The following SLCO5A1 variants were observed in gnomAD, a reference collection of about 807,000 sequenced individuals.
The protein encoded by SLCO5A1 is organic anion transporter polypeptide-related protein 4.
In SLCO5A1, 39 loss-of-function variants were observed where a neutral mutation model predicts 65.1. The ratio of observed to expected loss-of-function variants is 0.60; its 90% CI spans 0.46 to 0.78. The LOEUF is 0.78. SLCO5A1 is among the 30% of genes least tolerant of loss of function. The pLI is 0.00. For missense variants in SLCO5A1, 1,029 were observed against 1,069.4 expected, an observed-to-expected ratio of 0.96 and a Z score of 0.53; for synonymous variants, 438 against 415.7, an observed-to-expected ratio of 1.05 and a Z score of -0.65.
At chr8:69,772,989 T>A in intron 2 of SLCO5A1, 1 of 984,584 alleles carries the variant, frequency 1.0e-6, no homozygotes. Context: ...GGGAAAGGAA[T>A]GATACGTTAT....
At chr8:69,710,552 G>C (rs1487619127) in intron 5 of SLCO5A1, among the ~76,000 whole-genome samples, 3 of 152,002 alleles carry the variant, frequency 2.0e-5, no homozygotes, top group Non-Finnish European at 4.4e-5. Flanking sequence ...CCAAGAAAAC[G>C]TATACATGCT....
Position 69,679,422 on chromosome 8 carries a change from G to T in SLCO5A1, c.1980C>A (p.Phe660Leu). Residue 660 changes from phenylalanine to leucine, a missense_variant, in exon 8 of 10, where the codon TTC (phenylalanine) becomes TTA (leucine). Phe to Leu is a conservative substitution (Grantham distance 22, BLOSUM62 0). This residue lies in a region of SLCO5A1 where 258 missense variants were observed against 237.4 expected (regional missense o/e 1.09). Transcript: ENST00000260126. ...CTGATGGTTGGGCACATGCTGTGAT[G>T]AAGGTGACTATGAAAAGAAAAACTA... ...PFLVFLFIVT[F>L]ITACAQPSAI... is the part of the protein sequence containing the mutation. 6.2e-7 allele frequency: 1 copy of T among 1,614,222 alleles called. No homozygotes were observed. Among genetic ancestry groups the T allele is most frequent in the Non-Finnish European group, 8.5e-7 (1 of 1,180,030 alleles).
intron 5 of SLCO5A1, chr8:69,714,994 C>T (rs1815445259): frequency 1.3e-5 from 2 of 152,248 alleles, no homozygotes; most frequent in African/African-American, 4.8e-5. Flanking sequence ...AAAGCTCTGG[C>T]TGAAATAATG....
At chr8:69,771,538 T>G (rs761796033) in intron 2 of SLCO5A1, among the ~76,000 whole-genome samples, 4 of 152,258 alleles carry the variant, frequency 2.6e-5, no homozygotes, top group Non-Finnish European at 4.4e-5. Context: ...ATGCTTTTTC[T>G]TTCCTTTTTT....
chr8:69,667,509 C>T lies in SLCO5A1; in HGVS notation c.*5360G>A, dbSNP rs370493428. On this transcript the variant is annotated 3_prime_UTR_variant, in exon 10 of 10. Transcript: ENST00000260126. ...TTATCAATTACCAATTGCCAATAAT[C>T]GGTACTAGTCTTACCAATGATTCTT... is the stretch of plus-strand genomic sequence containing the variant. 4.6e-5 allele frequency: 7 copies of T among 152,274 alleles called. No individual in the cohort carries two copies. The highest frequency in any genetic ancestry group is 7.2e-5 in the African/African-American group (3 of 41,552). 9.4% of individuals were successfully genotyped at this position (152,274 alleles called of 1,614,324 possible). A position where few individuals can be genotyped will look rare whatever the true frequency, so the allele number is the denominator to read the frequency against.
intron 4 of SLCO5A1, among the ~76,000 whole-genome samples, 185 bp from the exon 5 acceptor site, chr8:69,738,389 T>G (rs1047099640): frequency 1.3e-5 from 2 of 152,132 alleles, no homozygotes; most frequent in Middle Eastern, 3.4e-3. Context: ...CTTTTGTTTT[T>G]TTTTTTTAAC....
At chr8:69,682,988 G>T (rs1482362217) in intron 6 of SLCO5A1, among the ~76,000 whole-genome samples, 4 of 152,212 alleles carry the variant, frequency 2.6e-5, no homozygotes, top group Admixed American at 1.3e-4. Context: ...GATTGCCCCG[G>T]TGTGGATCCA....
At chr8:69,777,871 A>C (rs370985839) in intron 2 of SLCO5A1, among the ~76,000 whole-genome samples, 25 of 152,170 alleles carry the variant, frequency 1.6e-4, no homozygotes, top group African/African-American at 5.8e-4. Flanking sequence ...TCAACTCCAC[A>C]ACTGTCAACT....
chr8:69,746,140 T>G (rs1817019047), intron 4 of SLCO5A1, among the ~76,000 whole-genome samples: 1 of 152,156 alleles, frequency 6.6e-6, no homozygotes, highest in South Asian at 2.1e-4. Flanking sequence ...CTGCCTCCCT[T>G]TGAGGGCAAG....
intron 2 of SLCO5A1, among the ~76,000 whole-genome samples, chr8:69,793,044 T>A (rs907183215): frequency 6.6e-6 from 1 of 152,082 alleles, no homozygotes; most frequent in Non-Finnish European, 1.5e-5. Flanking sequence ...TGCAGTGGCA[T>A]GATCTCAGCT....
At chr8:69,831,521 A>G (rs1821150866) in intron 2 of SLCO5A1, among the ~76,000 whole-genome samples, 1 of 152,220 alleles carries the variant, frequency 6.6e-6, no homozygotes, top group Non-Finnish European at 1.5e-5. Flanking sequence ...CACAGTTTAA[A>G]GTTTATGTTA....
chr8:69,813,662 G>C (rs781151652), intron 2 of SLCO5A1, among the ~76,000 whole-genome samples: 2 of 152,142 alleles, frequency 1.3e-5, no homozygotes, highest in Admixed American at 6.6e-5. Flanking sequence ...CAAGGGATGG[G>C]CTTCTAATGG....
intron 4 of SLCO5A1, among the ~76,000 whole-genome samples, chr8:69,748,818 C>A (rs752492235): frequency 1.3e-5 from 2 of 152,250 alleles, no homozygotes; most frequent in Admixed American, 1.3e-4. Context: ...GCACTCCAGA[C>A]CTACTGAATC....
chr8:69,803,658 T>G (rs1819859907), intron 2 of SLCO5A1, among the ~76,000 whole-genome samples: 2 of 152,190 alleles, frequency 1.3e-5, no homozygotes, highest in East Asian at 3.9e-4. Context: ...CCCAGCAATC[T>G]GGGTTTGAAC....
rs114405107 is a variant in SLCO5A1 at position 69,724,616 on chromosome 8, G to A, written c.1423+13424C>T. On this transcript the variant is annotated intron_variant, in intron 5 of 9. Transcript: ENST00000260126. ...AATTTGCTGAGGTCCATTGTGAGAC[G>A]GTTCAGCAAAAGGACATTACTTCCA... Among the ~76,000 whole-genome samples the A allele has an allele frequency of 3.2e-3, 485 of 152,230 alleles. 2 individuals carry two copies. Among genetic ancestry groups the A allele is most frequent in the African/African-American group, 0.011 (466 of 41,510 alleles).
intron 2 of SLCO5A1, among the ~76,000 whole-genome samples, chr8:69,823,421 A>T (rs991288804): frequency 1.3e-5 from 2 of 152,198 alleles, no homozygotes; most frequent in East Asian, 1.9e-4. Context: ...AAATAAAAGG[A>T]TGGAGGAAGA....
chr8:69,721,062 C>T (rs1391694132), intron 5 of SLCO5A1, among the ~76,000 whole-genome samples: 1 of 152,210 alleles, frequency 6.6e-6, no homozygotes, highest in Non-Finnish European at 1.5e-5. Context: ...GCCTCCCTTG[C>T]AACTAGGTGT....
chr8:69,696,382 T>A (rs1258087813), intron 6 of SLCO5A1, among the ~76,000 whole-genome samples: 1 of 152,152 alleles, frequency 6.6e-6, no homozygotes, highest in East Asian at 1.9e-4. Flanking sequence ...CGAATCTCCA[T>A]GGGTTCTGAG....
intron 2 of SLCO5A1, among the ~76,000 whole-genome samples, chr8:69,793,777 C>A (rs1048868028): frequency 7.1e-6 from 1 of 141,800 alleles, no homozygotes; most frequent in Non-Finnish European, 1.5e-5. Flanking sequence ...GACTCTGTCT[C>A]TAAATAAATA....
Sources: gnomAD v4.1 joint callset for allele counts (sites outside exome capture counted in the v4.1 genomes callset) on GRCh38, gnomAD v4.1.1 for gene constraint, gnomAD v4.1.1 regional missense constraint, MANE v1.5 for transcripts, NCBI Gene and HGNC (gene_info 2026-07-23, HGNC 2026-07-21) for gene names.